Variants in CNGA3 observed in about 807,000 individuals in gnomAD.
The protein encoded by CNGA3 is cyclic nucleotide gated channel subunit alpha 3, also known as cyclic nucleotide-gated channel alpha-3.
In CNGA3, 42 loss-of-function variants were observed where a neutral mutation model predicts 46.6. The observed-to-expected ratio is 0.90, with a 90% CI of 0.70 to 1.17. CNGA3 has a LOEUF of 1.17. CNGA3 is among the 50% of genes most tolerant of loss of function. The probability of loss-of-function intolerance (pLI) is 0.00; values close to 1 mark genes in which losing one functional copy is unlikely to be tolerated. For synonymous variants in CNGA3, 394 were observed against 369.4 expected (o/e 1.07, Z -0.76); for missense variants, 893 against 890.7 (o/e 1.00, Z -0.03).
chr2:98,384,449 G>A (rs573952139), intron 5 of CNGA3, among the ~76,000 whole-genome samples: 2 of 152,172 alleles, frequency 1.3e-5, no homozygotes, highest in Non-Finnish European at 2.9e-5. Context: ...AACAGACAGA[G>A]AAATGTGCCA....
intron 6 of CNGA3, among the ~76,000 whole-genome samples, chr2:98,391,198 G>C (rs562687868): frequency 2.6e-5 from 4 of 152,354 alleles, no homozygotes; most frequent in African/African-American, 9.6e-5. Flanking sequence ...TGCGGGGCAG[G>C]TGAAAACTGG....
At chr2:98,358,856 A>C (rs2106078912) in intron 1 of CNGA3, among the ~76,000 whole-genome samples, 2 of 152,364 alleles carry the variant, frequency 1.3e-5, no homozygotes, top group South Asian at 4.1e-4. Context: ...AGAACATAGA[A>C]TTAAAAGGGA....
intron 2 of CNGA3, among the ~76,000 whole-genome samples, chr2:98,372,760 C>T (rs1299341109): frequency 6.6e-6 from 1 of 152,156 alleles, no homozygotes; most frequent in Non-Finnish European, 1.5e-5. Flanking sequence ...TTGACTCCCA[C>T]TCCCGGTCTT....
At position 98,380,123 on chromosome 2, in the gene CNGA3, G is replaced by A. The variant is rs146217193; in HGVS notation, c.216-52G>A. 2.0e-5 allele frequency: 32 copies of A among 1,600,458 alleles called. 1 individual carries two copies. In the African/African-American group the frequency reaches 2.1e-4, roughly 11 times the overall value. ...GAGAGGGAAAGACTGGGGTTTGGGG[G>A]TGTGGGGGGCTTTTCCTCTCCCTCT... On this transcript the variant is annotated intron_variant, in intron 3 of 7. Coordinates refer to ENST00000272602, the MANE Select transcript of CNGA3 (RefSeq NM_001298.3).
At chr2:98,349,282 TGTAC>T (rs1691720921) in intron 1 of CNGA3, among the ~76,000 whole-genome samples, 4 of 151,198 alleles carry the variant, frequency 2.6e-5, no homozygotes, top group Non-Finnish European at 4.4e-5. Flanking sequence ...AAAAACCAAA[TGTAC>T]AATACACATA....
At chr2:98,378,065 A>T in intron 3 of CNGA3, 6 of 1,550,706 alleles carry the variant, frequency 3.9e-6, no homozygotes, top group Non-Finnish European at 5.2e-6. Flanking sequence ...CAGGTTTGGA[A>T]GAATTCAGAA....
At chr2:98,374,189 C>T (rs1194414520) in intron 2 of CNGA3, among the ~76,000 whole-genome samples, 1 of 152,224 alleles carries the variant, frequency 6.6e-6, no homozygotes, top group Non-Finnish European at 1.5e-5. Flanking sequence ...TCATGGGAGC[C>T]CCTGTCCTCG....
Position 98,377,774 on chromosome 2 carries a change from C to A in CNGA3, c.189C>A (p.Gly63=), listed in dbSNP as rs1574375785. 4 of 1,612,014 alleles carry A rather than the reference C, an allele frequency of 2.5e-6. No homozygotes were observed. The highest frequency in any genetic ancestry group is 3.4e-6 in the Non-Finnish European group (4 of 1,179,822). The change falls in exon 3 of 8, where the codon GGC becomes GGA. Residue 63 remains glycine, a synonymous_variant. Coordinates refer to ENST00000272602, the MANE Select transcript of CNGA3 (RefSeq NM_001298.3). The stretch of plus-strand genomic sequence containing the variant: ...GAGGACTGGCTGACTCCGGGCAGGG[C>A]TCCTTCACCGGCCAGGGGATCGCCA... The part of the protein sequence containing the change: ...ETRGLADSGQ[G]SFTGQGIARL...
At chr2:98,384,403 C>G (rs1692608573) in intron 5 of CNGA3, among the ~76,000 whole-genome samples, 1 of 152,142 alleles carries the variant, frequency 6.6e-6, no homozygotes, top group Non-Finnish European at 1.5e-5. Context: ...GGAAAAAATA[C>G]CTATATCAGT....
chr2:98,361,523 T>C (rs1692032654), intron 1 of CNGA3, among the ~76,000 whole-genome samples: 1 of 152,074 alleles, frequency 6.6e-6, no homozygotes, highest in Admixed American at 6.6e-5. Context: ...TAGAATAATT[T>C]ATATTCTTTT....
At chr2:98,370,297 G>A (rs1237996113) in intron 2 of CNGA3, among the ~76,000 whole-genome samples, 1 of 152,186 alleles carries the variant, frequency 6.6e-6, no homozygotes, top group East Asian at 1.9e-4. Flanking sequence ...GGAAAAGCAG[G>A]CTTAAATAGT....
intron 6 of CNGA3, among the ~76,000 whole-genome samples, chr2:98,391,489 G>A (rs374715836): frequency 1.5e-4 from 23 of 152,182 alleles, no homozygotes; most frequent in African/African-American, 2.9e-4. Flanking sequence ...TTAATCTCTC[G>A]GAAATTCTCC....
At chr2:98,370,261 A>G (rs1484063973) in intron 2 of CNGA3, among the ~76,000 whole-genome samples, 185 bp downstream of exon 2, 2 of 152,240 alleles carry the variant, frequency 1.3e-5, no homozygotes, top group Non-Finnish European at 2.9e-5. Context: ...CCCAGAAAGT[A>G]GTCTGTATTC....
At chr2:98,346,766 C>T (rs566225309) in intron 1 of CNGA3, among the ~76,000 whole-genome samples, 5 of 152,102 alleles carry the variant, frequency 3.3e-5, no homozygotes, top group Non-Finnish European at 7.4e-5. Flanking sequence ...CACTCCCCGG[C>T]TCCCATACCC....
intron 4 of CNGA3, among the ~76,000 whole-genome samples, chr2:98,381,250 G>A (rs553576099): frequency 3.3e-5 from 5 of 152,220 alleles, no homozygotes; most frequent in South Asian, 2.1e-4. Flanking sequence ...ACCTCCCCTC[G>A]GCCTCCCAAA....
intron 1 of CNGA3, among the ~76,000 whole-genome samples, chr2:98,358,829 A>G (rs1691951499): frequency 6.6e-6 from 1 of 152,190 alleles, no homozygotes; most frequent in African/African-American, 2.4e-5. Context: ...TACTCCAACC[A>G]TTGTTTTCCT....
At chr2:98,384,766 C>A (rs1692617161) in intron 5 of CNGA3, among the ~76,000 whole-genome samples, 1 of 152,114 alleles carries the variant, frequency 6.6e-6, no homozygotes, top group Non-Finnish European at 1.5e-5. Context: ...GCATCTTTGT[C>A]CTGGGGCTGG....
In CNGA3 at chr2:98,362,325, G is replaced by A. The variant is rs1241659903; in HGVS notation, c.-37-7614G>A. 5.9e-5 allele frequency among the ~76,000 whole-genome samples: 9 copies of A among 151,704 alleles called. No homozygotes were observed. The South Asian group carries it at 6.2e-4, about 11-fold the overall frequency. The stretch of plus-strand genomic sequence containing the variant: ...CTCCCGAGTAGCTAGGATTACAGGC[G>A]CCTGCCACCACGCCCAGCTAATTAT... On this transcript the variant is annotated intron_variant, in intron 1 of 7. Transcript: ENST00000272602.
At chr2:98,361,312 A>C (rs910148403) in intron 1 of CNGA3, among the ~76,000 whole-genome samples, 2 of 152,172 alleles carry the variant, frequency 1.3e-5, no homozygotes, top group African/African-American at 2.4e-5. Flanking sequence ...TAGTTTGCTG[A>C]GGATAATGGC....
Sources: allele counts gnomAD v4.1 joint callset (sites outside exome capture counted in the v4.1 genomes callset), GRCh38; gene constraint gnomAD v4.1.1; transcripts MANE v1.5; gene names NCBI Gene and HGNC (gene_info 2026-07-23, HGNC 2026-07-21).